Variants in PSMD8 observed in about 807,000 individuals in gnomAD.
PSMD8 encodes the protein 26S proteasome non-ATPase regulatory subunit 8.
PSMD8 carries 30 observed loss-of-function variants against 40.0 expected under a neutral mutation model. That is an observed-to-expected ratio of 0.75 (90% confidence interval 0.56 to 1.02). PSMD8 has a LOEUF of 1.02. Among genes scored for constraint, PSMD8 ranks in the 50% least tolerant of loss-of-function variants. PSMD8 has a pLI of 0.00. For synonymous variants in PSMD8, 208 were observed against 192.5 expected (o/e 1.08, Z -0.67); for missense variants, 461 against 463.9 (o/e 0.99, Z 0.06).
At chr19:38,375,481 C>T (rs918491505) in intron 1 of PSMD8, 18 of 180,056 alleles carry the variant, frequency 1.0e-4, no homozygotes, top group African/African-American at 3.9e-4. Flanking sequence ...GAGGACTGCC[C>T]GGAGTGATAA....
At chr19:38,377,862 A>T (rs1444963168) in intron 3 of PSMD8, among the ~76,000 whole-genome samples, 1 of 150,350 alleles carries the variant, frequency 6.7e-6, no homozygotes, top group Non-Finnish European at 1.5e-5. Context: ...CTGGTCTTGA[A>T]CTCCTGACCT....
Position 38,374,596 on chromosome 19 carries a change from A to G in PSMD8, c.-6A>G, listed in dbSNP as rs968698638. ...GAGTGACGACAGAGGCGGAGCTCCA[A>G]CTGACATGTTCATTAAGGGCAGGGC... is the stretch of plus-strand genomic sequence containing the variant. On this transcript the variant is annotated 5_prime_UTR_variant, in exon 1 of 7. Coordinates refer to ENST00000215071, the MANE Select transcript of PSMD8 (RefSeq NM_002812.5). 4 of 1,460,686 alleles carry G rather than the reference A, an allele frequency of 2.7e-6. No individual in the cohort carries two copies. The highest frequency in any genetic ancestry group is 3.6e-6 in the Non-Finnish European group (4 of 1,110,570). The allele number at this position is 1,460,686 out of a possible 1,614,324, so 90.5% of individuals were successfully genotyped here. A position where few individuals can be genotyped will look rare whatever the true frequency, so the allele number is the denominator to read the frequency against.
chr19:38,374,834 C>G lies in PSMD8; in HGVS notation c.233C>G (p.Ser78Cys). The G allele has an allele frequency of 3.8e-6, 6 of 1,576,338 alleles. No homozygotes were observed. Among genetic ancestry groups the G allele is most frequent in the Admixed American group, 1.8e-5 (1 of 56,440 alleles). ...AVNGAAGFSS[S>C]GPAATSGAVL... ...AACGGGGCGGCAGGCTTCTCGAGCTCCGGGCCCGCGGCAACCTCGGGCGCT... is the reference window on the plus strand; with the variant it reads ...AACGGGGCGGCAGGCTTCTCGAGCTGCGGGCCCGCGGCAACCTCGGGCGCT... The change falls in exon 1 of 7, where the codon TCC (serine) becomes TGC (cysteine). Residue 78 changes from serine to cysteine, a missense_variant. Physicochemically the swap from Ser to Cys is moderately radical, Grantham distance 112 (BLOSUM62 -1). Around this residue, in one of 2 missense-constraint regions of PSMD8, gnomAD observed 225 missense variants for 142.7 expected, o/e 1.58. Transcript: ENST00000215071.
intron 3 of PSMD8, among the ~76,000 whole-genome samples, chr19:38,377,967 C>A (rs974506970): frequency 1.3e-5 from 2 of 151,912 alleles, no homozygotes; most frequent in African/African-American, 4.8e-5. Context: ...TTATAGCTAA[C>A]ACTTTGTGTT....
At chr19:38,375,910 G>T (rs76977937) in intron 1 of PSMD8, among the ~76,000 whole-genome samples, 2 of 152,208 alleles carry the variant, frequency 1.3e-5, no homozygotes, top group African/African-American at 4.8e-5. Flanking sequence ...ATTCCACTGG[G>T]TCAGGCACTG....
chr19:38,380,592 C>T (rs1970631114), intron 4 of PSMD8, among the ~76,000 whole-genome samples: 2 of 149,104 alleles, frequency 1.3e-5, no homozygotes, highest in South Asian at 2.2e-4. Flanking sequence ...CGCTGTCTCC[C>T]TCCTGGAAAA....
intron 5 of PSMD8, among the ~76,000 whole-genome samples, chr19:38,381,555 A>C (rs981125539): frequency 1.3e-5 from 2 of 152,144 alleles, no homozygotes; most frequent in African/African-American, 4.8e-5. Flanking sequence ...CTTAGGTGCA[A>C]AGGCAAGCCC....
In PSMD8 at chr19:38,380,886, C is replaced by T. The variant is rs1970635037; in HGVS notation, c.703-13C>T. The T allele has an allele frequency of 6.4e-7, 1 of 1,551,640 alleles. No individual in the cohort carries two copies. Among genetic ancestry groups the T allele is most frequent in the Middle Eastern group, 1.7e-4 (1 of 5,934 alleles). On this transcript the variant is annotated splice_polypyrimidine_tract_variant and intron_variant, in intron 4 of 6. Coordinates refer to ENST00000215071, the MANE Select transcript of PSMD8 (RefSeq NM_002812.5). ...CTTCATTCTCTCTTCTTCCCCCTTC[C>T]CGGCTTCTGCAGTACCTGATGGAGG...
At chr19:38,378,421 T>G (rs1970614124) in intron 3 of PSMD8, among the ~76,000 whole-genome samples, 1 of 146,980 alleles carries the variant, frequency 6.8e-6, no homozygotes, top group African/African-American at 2.5e-5. Context: ...GGCAGGAGAA[T>G]GGCATGAACC....
In PSMD8 at chr19:38,383,343, G is replaced by C; in HGVS notation, c.1006G>C (p.Ala336Pro). The C allele has an allele frequency of 6.2e-7, 1 of 1,613,818 alleles. No individual in the cohort carries two copies. Among genetic ancestry groups the C allele is most frequent in the Non-Finnish European group, 8.5e-7 (1 of 1,179,876 alleles). ...CACCACCATTCCCTCCACAGAACTGGCCAAACAGGTCATCGAGTATGCCCG... is the reference window on the plus strand; with the variant it reads ...CACCACCATTCCCTCCACAGAACTGCCCAAACAGGTCATCGAGTATGCCCG... ...EDTTIPSTEL[A>P]KQVIEYARQL... Residue 336 changes from alanine to proline, a missense_variant, in exon 7 of 7, where the codon GCC becomes CCC. Ala to Pro is a conservative substitution (Grantham distance 27). Coordinates refer to ENST00000215071, the MANE Select transcript of PSMD8 (RefSeq NM_002812.5).
intron 1 of PSMD8, chr19:38,375,181 C>T: frequency 1.3e-6 from 1 of 760,118 alleles, no homozygotes; most frequent in Non-Finnish European, 2.0e-6. Context: ...ATGGTCACGC[C>T]TGTAATCGCA....
intron 5 of PSMD8, 57 bp downstream of exon 5, chr19:38,381,056 C>A: frequency 7.5e-7 from 1 of 1,325,148 alleles, no homozygotes; most frequent in Admixed American, 2.4e-5. Context: ...TTGAGTCGGA[C>A]AGCTCCGAGT....
At chr19:38,380,081 A>G (rs534724468) in intron 4 of PSMD8, among the ~76,000 whole-genome samples, 6 of 152,314 alleles carry the variant, frequency 3.9e-5, no homozygotes, top group Non-Finnish European at 8.8e-5. Flanking sequence ...TGAGTTCAGG[A>G]GTTCGAAACC....
intron 1 of PSMD8, among the ~76,000 whole-genome samples, chr19:38,375,770 C>T (rs1970592436): frequency 6.6e-6 from 1 of 152,152 alleles, no homozygotes; most frequent in Non-Finnish European, 1.5e-5. Flanking sequence ...ATGGGCTGAA[C>T]TGTGGGGGGA....
chr19:38,380,481 G>C (rs970114144), intron 4 of PSMD8, among the ~76,000 whole-genome samples: 1 of 152,158 alleles, frequency 6.6e-6, no homozygotes, highest in Non-Finnish European at 1.5e-5. Context: ...ACATCTTATG[G>C]GAGGATTTGG....
At chr19:38,379,026 A>C (rs1970619362) in intron 3 of PSMD8, among the ~76,000 whole-genome samples, 1 of 152,212 alleles carries the variant, frequency 6.6e-6, no homozygotes, top group Non-Finnish European at 1.5e-5. Flanking sequence ...ATTTCACTGA[A>C]GTGAGGTCAC....
intron 1 of PSMD8, 103 bp from the exon 2 acceptor site, chr19:38,376,057 T>A: frequency 8.5e-7 from 1 of 1,171,324 alleles, no homozygotes. Context: ...TGGATGATGG[T>A]TAGCTCCATT....
Position 38,374,654 on chromosome 19 carries a change from CT to C in PSMD8, c.54del (p.Thr19ProfsTer5). 2 of 1,517,378 alleles carry C rather than the reference CT, an allele frequency of 1.3e-6. No individual in the cohort carries two copies. Among genetic ancestry groups the C allele is most frequent in the Admixed American group, 4.7e-5 (2 of 42,648 alleles). 94.0% of individuals were successfully genotyped at this position (1,517,378 alleles called of 1,614,324 possible). A position where few individuals can be genotyped will look rare whatever the true frequency, so the allele number is the denominator to read the frequency against. ...GCGCCACCTCGAGAGCGACGGCGGG[CT>C]ACCCGGGGCGGGCTGAGGCAGGTTG... ...PRAPPRERRR[A>X]TRGGLRQVVA... On this transcript the variant is annotated frameshift_variant, in exon 1 of 7. Coordinates refer to ENST00000215071, the MANE Select transcript of PSMD8 (RefSeq NM_002812.5). LOFTEE classifies it high-confidence loss of function.
At chr19:38,376,254 TG>T in intron 2 of PSMD8, 22 bp downstream of exon 2, 6 of 1,579,628 alleles carry the variant, frequency 3.8e-6, no homozygotes, top group Non-Finnish European at 5.2e-6. Flanking sequence ...TGGGGTTGGT[TG>T]GGGGTGATAA....
Sources: gnomAD v4.1 joint callset for allele counts (sites outside exome capture counted in the v4.1 genomes callset) on GRCh38, gnomAD v4.1.1 for gene constraint, gnomAD v4.1.1 regional missense constraint, MANE v1.5 for transcripts, NCBI Gene and HGNC (gene_info 2026-07-23, HGNC 2026-07-21) for gene names.